AHI1: variants seen among roughly 807,000 people sequenced by gnomAD.
The protein encoded by AHI1 is jouberin.
In AHI1, 123 loss-of-function variants were observed where a neutral mutation model predicts 149.3. The ratio of observed to expected loss-of-function variants is 0.82; its 90% CI spans 0.71 to 0.96. The LOEUF (loss-of-function observed/expected upper bound fraction) is 0.96, where lower values mean the gene tolerates loss of function less well. AHI1 is among the 40% of genes least tolerant of loss of function. The pLI, the probability that AHI1 is intolerant of heterozygous loss-of-function variation, is 0.00. For synonymous variants in AHI1, 475 were observed against 459.8 expected, an observed-to-expected ratio of 1.03 and a Z score of -0.42; for missense variants, 1,439 against 1,422.7, an observed-to-expected ratio of 1.01 and a Z score of -0.18.
chr6:135,429,313 C>T (rs892126335), intron 18 of AHI1, among the ~76,000 whole-genome samples: 1 of 151,594 alleles, frequency 6.6e-6, no homozygotes, highest in Non-Finnish European at 1.5e-5. Context: ...ACACTTTGTG[C>T]CAGGTAAGTA....
At chr6:135,441,027 C>T (rs1375872551) in intron 14 of AHI1, among the ~76,000 whole-genome samples, 1 of 151,774 alleles carries the variant, frequency 6.6e-6, no homozygotes, top group Admixed American at 6.6e-5. Context: ...CAAAGACTTT[C>T]AATCCACTAT....
At chr6:135,355,153 T>C (rs1407064134) in intron 24 of AHI1, among the ~76,000 whole-genome samples, 2 of 152,184 alleles carry the variant, frequency 1.3e-5, no homozygotes, top group Non-Finnish European at 2.9e-5. Flanking sequence ...TTTCTAATTC[T>C]TGAAGAACAA....
chr6:135,472,987 T>C (rs969219101), intron 5 of AHI1, among the ~76,000 whole-genome samples: 1 of 152,176 alleles, frequency 6.6e-6, no homozygotes, highest in African/African-American at 2.4e-5. Flanking sequence ...CAAAGTCCAA[T>C]TTAGCCCTTT....
intron 2 of AHI1, 108 bp downstream of exon 2, chr6:135,497,080 C>T (rs1796069000): frequency 6.6e-6 from 1 of 152,172 alleles, no homozygotes; most frequent in Non-Finnish European, 1.5e-5. Context: ...CGCAGCACAA[C>T]CTTTGATAAG....
At chr6:135,315,679 A>G (rs1785840271) in intron 26 of AHI1, among the ~76,000 whole-genome samples, 1 of 152,172 alleles carries the variant, frequency 6.6e-6, no homozygotes, top group Admixed American at 6.5e-5. Flanking sequence ...ATGGTATCCA[A>G]AAGAGCAGCT....
intron 24 of AHI1, among the ~76,000 whole-genome samples, chr6:135,335,975 T>A (rs1355967999): frequency 6.6e-6 from 1 of 151,762 alleles, no homozygotes; most frequent in Non-Finnish European, 1.5e-5. Context: ...TAGCTGGGCG[T>A]GGTGGAGCAC....
chr6:135,492,732 C>T, intron 3 of AHI1: 4 of 985,384 alleles, frequency 4.1e-6, no homozygotes, highest in Non-Finnish European at 4.8e-6. Context: ...TTAAATACCT[C>T]TGTGTCTGCC....
At chr6:135,304,320 T>C (rs967616288) in intron 26 of AHI1, among the ~76,000 whole-genome samples, 4 of 152,204 alleles carry the variant, frequency 2.6e-5, no homozygotes, top group Non-Finnish European at 4.4e-5. Context: ...CCCAAAGTGC[T>C]AGAATTATGG....
rs947213754 is a variant in AHI1, at chr6:135,428,520, C to G, written c.2623+109G>C. Reference sequence around the variant, plus strand: ...AATCTTAAAAAACATAATTGAAAACCCAAAATCAGAATTTCCTTGAAAATT... The same window carrying G: ...AATCTTAAAAAACATAATTGAAAACGCAAAATCAGAATTTCCTTGAAAATT... On this transcript the variant is annotated intron_variant, in intron 19 of 28. Transcript: ENST00000265602. The G allele has an allele frequency of 1.0e-5, 13 of 1,288,608 alleles. No individual in the cohort carries two copies. In the African/African-American group the frequency reaches 1.8e-4, roughly 18 times the overall value. 79.8% of individuals were successfully genotyped at this position (1,288,608 alleles called of 1,614,324 possible).
Position 135,379,896 on chromosome 6 carries a change from T to C in AHI1, c.3109+14880A>G, listed in dbSNP as rs564808399. Among the ~76,000 whole-genome samples the C allele has an allele frequency of 1.8e-3, 269 of 150,256 alleles. 1 individual carries two copies. Among genetic ancestry groups the C allele is most frequent in the African/African-American group, 6.2e-3 (251 of 40,708 alleles). ...CTTCCTAGCTTCCTTTTTTCCAAGC[T>C]CCCTTCCCTTTCCTTCCTTCCTTCC... On this transcript the variant is annotated intron_variant, in intron 23 of 28. Transcript: ENST00000265602.
chr6:135,345,127 A>G (rs1790997124), intron 24 of AHI1, among the ~76,000 whole-genome samples: 1 of 152,208 alleles, frequency 6.6e-6, no homozygotes, highest in African/African-American at 2.4e-5. Flanking sequence ...AATGAAAATC[A>G]TGAGGTGTCA....
chr6:135,318,723 A>G, intron 25 of AHI1, 107 bp from the exon 26 acceptor site: 2 of 639,514 alleles, frequency 3.1e-6, no homozygotes, highest in South Asian at 6.0e-5. Context: ...ATCGATATTC[A>G]ATTCCTTGGT....
intron 23 of AHI1, among the ~76,000 whole-genome samples, chr6:135,358,832 C>T (rs955274203): frequency 2.6e-5 from 4 of 152,182 alleles, no homozygotes; most frequent in Admixed American, 1.3e-4. Flanking sequence ...CCTTTCAGGA[C>T]GTGACACAGG....
intron 22 of AHI1, among the ~76,000 whole-genome samples, chr6:135,395,419 C>CTT (rs371131564): frequency 0.011 from 1,716 of 151,912 alleles, 35 homozygotes; most frequent in African/African-American, 0.038. Context: ...ACACCTTACT[C>CTT]AGGATACTGT....
intron 20 of AHI1, among the ~76,000 whole-genome samples, chr6:135,418,544 G>T (rs1299298429): frequency 1.3e-5 from 2 of 152,056 alleles, no homozygotes; most frequent in Non-Finnish European, 2.9e-5. Flanking sequence ...TATCTTTACA[G>T]GAGGAAGGAC....
intron 22 of AHI1, among the ~76,000 whole-genome samples, chr6:135,404,158 G>A (rs969399487): frequency 2.6e-5 from 4 of 151,992 alleles, no homozygotes; most frequent in African/African-American, 4.8e-5. Context: ...ATGAATAGAC[G>A]TCTAATTATT....
At chr6:135,300,741 G>T in intron 26 of AHI1, 183 bp from the exon 27 acceptor site, 6 of 1,149,666 alleles carry the variant, frequency 5.2e-6, no homozygotes, top group Non-Finnish European at 4.3e-6. Context: ...TTGCTCCCAT[G>T]AAAAACCAAG....
rs151119973 is a variant in AHI1 at position 135,416,583 on chromosome 6, T to C, written c.2765-5039A>G. On this transcript the variant is annotated intron_variant, in intron 20 of 28. Transcript: ENST00000265602. Reference sequence around the variant, plus strand: ...ATGTATAGAAATGTAATTATCACAATGGAAAATTGCTCATATTATTCATTG... The same window carrying C: ...ATGTATAGAAATGTAATTATCACAACGGAAAATTGCTCATATTATTCATTG... Among the ~76,000 whole-genome samples, 310 of 152,122 alleles carry C rather than the reference T, an allele frequency of 2.0e-3. 1 individual carries two copies. Among genetic ancestry groups the C allele is most frequent in the African/African-American group, 7.2e-3 (297 of 41,534 alleles).
At chr6:135,312,900 G>A (rs549326363) in intron 26 of AHI1, among the ~76,000 whole-genome samples, 41 of 152,126 alleles carry the variant, frequency 2.7e-4, no homozygotes, top group African/African-American at 9.2e-4. Flanking sequence ...TATCACAGAC[G>A]ACTTTTCATG....
Sources: allele counts gnomAD v4.1 joint callset (sites outside exome capture counted in the v4.1 genomes callset), GRCh38; gene constraint gnomAD v4.1.1; transcripts MANE v1.5; gene names NCBI Gene and HGNC (gene_info 2026-07-23, HGNC 2026-07-21).